Variants in NUF2 observed in about 807,000 individuals in gnomAD.
The protein encoded by NUF2 is NUF2 component of NDC80 kinetochore complex.
NUF2 carries 34 observed loss-of-function variants against 61.8 expected under a neutral mutation model. That is an observed-to-expected ratio of 0.55 (90% CI 0.42 to 0.73). The LOEUF (loss-of-function observed/expected upper bound fraction) is 0.73. Ranked by LOEUF, NUF2 falls within the 30% of genes least tolerant of loss-of-function variation. The pLI is 0.00. For synonymous variants in NUF2, 172 were observed against 181.6 expected, an observed-to-expected ratio of 0.95 and a Z score of 0.42; for missense variants, 445 against 539.1, an observed-to-expected ratio of 0.83 and a Z score of 1.73.
At chr1:163,344,786 C>T (rs1651067033) in intron 10 of NUF2, among the ~76,000 whole-genome samples, 1 of 151,564 alleles carries the variant, frequency 6.6e-6, no homozygotes, top group African/African-American at 2.4e-5. Context: ...ACAAAGATCA[C>T]CAGAACAGAA....
chr1:163,349,861 T>A (rs891898871), intron 13 of NUF2, among the ~76,000 whole-genome samples: 2 of 151,770 alleles, frequency 1.3e-5, no homozygotes, highest in Non-Finnish European at 2.9e-5. Flanking sequence ...TGGTTGGGAT[T>A]TCACGTCCAT....
chr1:163,343,755 T>C lies in NUF2; in HGVS notation c.692T>C (p.Val231Ala). 1.4e-6 allele frequency: 2 copies of C among 1,416,866 alleles called. No individual in the cohort carries two copies. The highest frequency in any genetic ancestry group is 3.1e-5 in the South Asian group (2 of 64,532). The allele number at this position is 1,416,866 out of a possible 1,614,324, so 87.8% of individuals were successfully genotyped here. A position where few individuals can be genotyped will look rare whatever the true frequency, so the allele number is the denominator to read the frequency against. ...KRLNELKLSV[V>A]SLKEIQESLK... ...CAGAATGAACTAAAATTGTCGGTGG[T>C]TTCTTTGAAAGAAATACAAGAGAGT... Residue 231 changes from valine to alanine, a missense_variant, in exon 10 of 14, where the codon GTT becomes GCT. By Grantham distance (64) the Val-to-Ala change is moderately conservative (BLOSUM62 0). Coordinates refer to ENST00000271452, the MANE Select transcript of NUF2 (RefSeq NM_145697.3).
intron 1 of NUF2, chr1:163,322,917 A>C (rs946846482): frequency 1.3e-5 from 2 of 152,224 alleles, no homozygotes; most frequent in African/African-American, 4.8e-5. Flanking sequence ...TTAATGAATA[A>C]ATTGTAACTG....
At position 163,343,750 on chromosome 1, in the gene NUF2, G is replaced by T. The variant is rs757839841; in HGVS notation, c.687G>T (p.Ser229=). ...CTCAACAGAATGAACTAAAATTGTC[G>T]GTGGTTTCTTTGAAAGAAATACAAG... ...KTKRLNELKL[S]VVSLKEIQES... is the part of the protein sequence containing the mutation. Residue 229 remains serine, a synonymous_variant, in exon 10 of 14, where the codon TCG becomes TCT. Transcript: ENST00000271452. The T allele has an allele frequency of 2.1e-6, 3 of 1,395,584 alleles. No individual in the cohort carries two copies. The highest frequency in any genetic ancestry group is 2.9e-6 in the Non-Finnish European group (3 of 1,049,988). The allele number at this position is 1,395,584 out of a possible 1,614,324, so 86.5% of individuals were successfully genotyped here.
intron 7 of NUF2, among the ~76,000 whole-genome samples, chr1:163,338,983 C>T (rs1447730708): frequency 6.6e-6 from 1 of 152,052 alleles, no homozygotes; most frequent in African/African-American, 2.4e-5. Context: ...GAGACTTGAA[C>T]ACGTGTAAGT....
chr1:163,327,468 A>G lies in NUF2; in HGVS notation c.124-20A>G. On this transcript the variant is annotated intron_variant, in intron 2 of 13. Transcript: ENST00000271452. ...TTTAGAGTTATGCATCGGAGTATTC[A>G]AAGTTGTTTTTTGCTGTAGCCTGAA... is the stretch of plus-strand genomic sequence containing the variant. The G allele has an allele frequency of 6.9e-7, 1 of 1,444,420 alleles. No individual in the cohort carries two copies. Among genetic ancestry groups the G allele is most frequent in the Non-Finnish European group, 9.7e-7 (1 of 1,026,678 alleles). 89.5% of individuals were successfully genotyped at this position (1,444,420 alleles called of 1,614,324 possible).
chr1:163,330,311 C>T (rs905202196), intron 5 of NUF2, among the ~76,000 whole-genome samples: 2 of 152,190 alleles, frequency 1.3e-5, no homozygotes, highest in African/African-American at 4.8e-5. Context: ...TGGGAACTAT[C>T]TACTTCCTGT....
intron 5 of NUF2, among the ~76,000 whole-genome samples, chr1:163,330,713 G>C (rs1273750193): frequency 3.9e-5 from 6 of 151,938 alleles, no homozygotes; most frequent in Non-Finnish European, 8.8e-5. Context: ...CTATATCTCT[G>C]CATTTATTAA....
intron 3 of NUF2, 131 bp downstream of exon 3, chr1:163,327,693 C>G: frequency 3.2e-6 from 2 of 615,764 alleles, no homozygotes; most frequent in Non-Finnish European, 5.8e-6. Flanking sequence ...TTAACAAATT[C>G]AAAGACATAT....
rs571210660 is a variant in NUF2 at position 163,355,471 on chromosome 1, T to A, written c.*2T>A. 1 of 1,582,756 alleles carries A rather than the reference T, an allele frequency of 6.3e-7. No individual in the cohort carries two copies. The highest frequency in any genetic ancestry group is 1.4e-5 in the African/African-American group (1 of 73,382). ...AAGATGTTCAAAATGTCAACCTGAT[T>A]AACAAAATTACATGTCTTTTTGTAA... On this transcript the variant is annotated 3_prime_UTR_variant, in exon 14 of 14. Transcript: ENST00000271452.
At chr1:163,330,095 C>T (rs915528354) in intron 5 of NUF2, among the ~76,000 whole-genome samples, 7 of 152,158 alleles carry the variant, frequency 4.6e-5, no homozygotes, top group African/African-American at 1.7e-4. Context: ...TAACAATACT[C>T]TGTATGCTAC....
At chr1:163,344,974 C>T (rs1445808803) in intron 10 of NUF2, among the ~76,000 whole-genome samples, 1 of 152,006 alleles carries the variant, frequency 6.6e-6, no homozygotes, top group Non-Finnish European at 1.5e-5. Flanking sequence ...TTAAGTTTTA[C>T]AGATTTTAGG....
rs113510636 is a variant in NUF2, at chr1:163,326,189, C to A, written c.123+15C>A. 1.7e-4 allele frequency: 279 copies of A among 1,609,542 alleles called. 1 individual carries two copies. The African/African-American group carries it at 2.8e-3, about 16-fold the overall frequency. Reference sequence around the variant, plus strand: ...CAAATCCAAAGGTAAAAGGTGGTTACGTTTGCATGTGGATAATGGTATTTA... The same window carrying A: ...CAAATCCAAAGGTAAAAGGTGGTTAAGTTTGCATGTGGATAATGGTATTTA... On this transcript the variant is annotated intron_variant, in intron 2 of 13. Coordinates refer to ENST00000271452, the MANE Select transcript of NUF2 (RefSeq NM_145697.3).
chr1:163,328,196 G>A (rs749789125), intron 3 of NUF2, 32 bp from the exon 4 acceptor site: 1 of 1,410,190 alleles, frequency 7.1e-7, no homozygotes, highest in African/African-American at 1.4e-5. Flanking sequence ...TAATCAATGT[G>A]TAATGTCGAT....
intron 1 of NUF2, among the ~76,000 whole-genome samples, chr1:163,325,303 G>A (rs528252848): frequency 2.6e-5 from 4 of 152,268 alleles, no homozygotes; most frequent in African/African-American, 9.6e-5. Flanking sequence ...GATTCTAGTT[G>A]CACCCACACT....
At chr1:163,337,095 G>T (rs1280461281) in intron 6 of NUF2, among the ~76,000 whole-genome samples, 2 of 152,066 alleles carry the variant, frequency 1.3e-5, no homozygotes, top group Non-Finnish European at 2.9e-5. Flanking sequence ...AAATCTTGTA[G>T]CTGAGGCTTG....
Position 163,345,774 on chromosome 1 carries a change from G to T in NUF2, c.904G>T (p.Asp302Tyr). The change falls in exon 11 of 14, where the codon GAC (aspartate) becomes TAC (tyrosine). Residue 302 changes from aspartate (D) to tyrosine (Y), a missense_variant. Asp to Tyr is a radical substitution (Grantham distance 160, BLOSUM62 -3). Coordinates refer to ENST00000271452, the MANE Select transcript of NUF2 (RefSeq NM_145697.3). ...EVQLYQKKIQ[D>Y]LSDNREKLAS... The stretch of plus-strand genomic sequence containing the variant: ...GCAGTTATATCAAAAGAAAATACAG[G>T]ACCTTTCAGATAATAGGGAAAAATT... The T allele has an allele frequency of 6.2e-7, 1 of 1,609,378 alleles. No homozygotes were observed. The highest frequency in any genetic ancestry group is 2.2e-5 in the East Asian group (1 of 44,772).
In NUF2 at chr1:163,345,786, A is replaced by C. The variant is rs1032319480; in HGVS notation, c.916A>C (p.Asn306His). 6.2e-7 allele frequency: 1 copy of C among 1,608,002 alleles called. No homozygotes were observed. The highest frequency in any genetic ancestry group is 8.5e-7 in the Non-Finnish European group (1 of 1,175,888). The stretch of plus-strand genomic sequence containing the variant: ...AAAGAAAATACAGGACCTTTCAGAT[A>C]ATAGGGAAAAATTAGCCAGTATCTT... ...YQKKIQDLSD[N>H]REKLASILKE... Residue 306 changes from asparagine (N) to histidine (H), a missense_variant, in exon 11 of 14, where the codon AAT becomes CAT. By Grantham distance (68) the Asn-to-His change is moderately conservative (BLOSUM62 1). Coordinates refer to ENST00000271452, the MANE Select transcript of NUF2 (RefSeq NM_145697.3).
intron 9 of NUF2, among the ~76,000 whole-genome samples, chr1:163,342,246 T>C (rs1245578664): frequency 6.6e-6 from 1 of 152,102 alleles, no homozygotes; most frequent in African/African-American, 2.4e-5. Context: ...TTTTTTTTGC[T>C]GGGAAATGCT....
Sources: gnomAD v4.1 joint callset for allele counts (sites outside exome capture counted in the v4.1 genomes callset) on GRCh38, gnomAD v4.1.1 for gene constraint, MANE v1.5 for transcripts, NCBI Gene and HGNC (gene_info 2026-07-23, HGNC 2026-07-21) for gene names.